The following CEP112 variants were observed in gnomAD, a reference collection of about 807,000 sequenced individuals.
CEP112 encodes the protein centrosomal protein of 112 kDa.
Under a neutral mutation model 153.0 loss-of-function variants are expected in CEP112, and 127 were observed. The observed-to-expected ratio is 0.83, with a 90% CI of 0.72 to 0.96. The LOEUF is 0.96. Ranked by LOEUF, CEP112 falls within the 40% of genes least tolerant of loss-of-function variation. CEP112 has a pLI of 0.00. For missense variants in CEP112, 1,089 were observed against 1,101.2 expected (o/e 0.99, Z 0.16); for synonymous variants, 358 against 374.4 (o/e 0.96, Z 0.51).
intron 8 of CEP112, among the ~76,000 whole-genome samples, chr17:66,075,832 G>A (rs2067471321): frequency 6.6e-6 from 1 of 152,178 alleles, no homozygotes. Context: ...CCCTCTGAAG[G>A]AAGAGGACTG....
intron 17 of CEP112, among the ~76,000 whole-genome samples, chr17:65,981,111 C>T (rs55744483): frequency 0.013 from 2,043 of 152,172 alleles, 42 homozygotes; most frequent in African/African-American, 0.047. Context: ...CCACCACGCC[C>T]GGCCATCTTC....
intron 11 of CEP112, among the ~76,000 whole-genome samples, chr17:66,056,500 T>C (rs55682387): frequency 0.013 from 2,056 of 152,356 alleles, 44 homozygotes; most frequent in African/African-American, 0.047. Context: ...TATCAACTGA[T>C]GAATGGATAG....
chr17:66,115,696 T>C (rs1162062581), intron 6 of CEP112, among the ~76,000 whole-genome samples: 1 of 152,208 alleles, frequency 6.6e-6, no homozygotes, highest in Non-Finnish European at 1.5e-5. Flanking sequence ...TTCTTACACA[T>C]TGTTACAGTT....
chr17:66,108,597 C>T (rs912681605), intron 6 of CEP112, among the ~76,000 whole-genome samples: 12 of 151,916 alleles, frequency 7.9e-5, no homozygotes, highest in African/African-American at 2.9e-4. Context: ...GGCTTCTATC[C>T]AAAAGACAGG....
At chr17:65,731,757 T>C (rs1009917480) in intron 23 of CEP112, among the ~76,000 whole-genome samples, 1 of 152,236 alleles carries the variant, frequency 6.6e-6, no homozygotes, top group Admixed American at 6.5e-5. Context: ...CACAGCATCT[T>C]CACCAGGATT....
chr17:65,830,470 C>T (rs2057029865), intron 21 of CEP112, among the ~76,000 whole-genome samples: 1 of 152,200 alleles, frequency 6.6e-6, no homozygotes, highest in African/African-American at 2.4e-5. Context: ...GGTCTTGTCC[C>T]ACAGGAACTA....
chr17:65,900,175 T>C (rs370044486), intron 20 of CEP112, among the ~76,000 whole-genome samples: 40 of 152,312 alleles, frequency 2.6e-4, no homozygotes, highest in South Asian at 1.2e-3. Flanking sequence ...CTTTAAAAAA[T>C]TGTATTCTCT....
intron 4 of CEP112, among the ~76,000 whole-genome samples, chr17:66,168,471 A>G (rs1359715966): frequency 6.6e-6 from 1 of 151,098 alleles, no homozygotes; most frequent in East Asian, 1.9e-4. Flanking sequence ...ATGTGTGTGT[A>G]TATATGTATA....
intron 21 of CEP112, among the ~76,000 whole-genome samples, chr17:65,803,834 A>C (rs2055427633): frequency 6.6e-6 from 1 of 152,212 alleles, no homozygotes; most frequent in Non-Finnish European, 1.5e-5. Context: ...TAGTCAAAAG[A>C]GCATTTTTAT....
chr17:66,036,016 A>G (rs569356747), intron 12 of CEP112, among the ~76,000 whole-genome samples: 1 of 152,342 alleles, frequency 6.6e-6, no homozygotes, highest in East Asian at 1.9e-4. Context: ...TATACATGCA[A>G]TGGAATATTA....
At chr17:65,970,362 T>TATTAAATGCACACATCATGCATGTAA (rs2062646620) in intron 17 of CEP112, among the ~76,000 whole-genome samples, 1 of 134,956 alleles carries the variant, frequency 7.4e-6, no homozygotes, top group Non-Finnish European at 1.6e-5. Context: ...TATGTGCCTA[T>TATTAAATGCACACATCATGCATGTAA]ATTACATGCA....
chr17:65,821,496 TTATATATATATATATAATTA>T (rs1272969469), intron 21 of CEP112, among the ~76,000 whole-genome samples: 34 of 121,414 alleles, frequency 2.8e-4, no homozygotes, highest in Admixed American at 8.2e-4. Context: ...ATATATATAA[TTATATATATATATATAATTA>T]TATATATATA....
intron 24 of CEP112, among the ~76,000 whole-genome samples, chr17:65,654,056 C>CAAAAAAAAAA (rs773433478): frequency 3.0e-4 from 8 of 26,878 alleles, no homozygotes; most frequent in African/African-American, 8.0e-4. Context: ...AAGACTCCAT[C>CAAAAAAAAAA]AAAAAAAAAA....
At chr17:65,963,453 G>A (rs2062288761) in intron 17 of CEP112, among the ~76,000 whole-genome samples, 1 of 151,944 alleles carries the variant, frequency 6.6e-6, no homozygotes, top group African/African-American at 2.4e-5. Flanking sequence ...AAATTTCTAG[G>A]CTTTTCAATA....
intron 20 of CEP112, among the ~76,000 whole-genome samples, chr17:65,865,596 C>T (rs2058457050): frequency 6.6e-6 from 1 of 152,198 alleles, no homozygotes; most frequent in South Asian, 2.1e-4. Context: ...AACCTCCCTC[C>T]CCATAGGTCT....
rs1329842930 is a variant in CEP112, at chr17:66,063,049, T to G, written c.988A>C (p.Arg330=). 33 of 1,593,224 alleles carry G rather than the reference T, an allele frequency of 2.1e-5. No homozygotes were observed. The highest frequency in any genetic ancestry group is 2.7e-5 in the Non-Finnish European group (32 of 1,171,228). ...QTLIRDCQVI[R]ETKEDQIAEL... ...GCAATCTGGTCTTCTTTAGTCTCTC[T>G]GATAACTTGACAGTCACGTATCAGT... The change falls in exon 11 of 27, where the codon AGA becomes CGA. Residue 330 remains arginine, a synonymous_variant. Coordinates refer to ENST00000535342, the MANE Select transcript of CEP112 (RefSeq NM_001199165.4).
At chr17:65,862,404 C>G (rs570689775) in intron 20 of CEP112, among the ~76,000 whole-genome samples, 5 of 152,140 alleles carry the variant, frequency 3.3e-5, no homozygotes, top group African/African-American at 1.2e-4. Flanking sequence ...CTGGCTAACA[C>G]GGTGAAACCC....
chr17:65,828,432 A>G (rs1314108972), intron 21 of CEP112, among the ~76,000 whole-genome samples: 1 of 152,200 alleles, frequency 6.6e-6, no homozygotes, highest in Non-Finnish European at 1.5e-5. Flanking sequence ...CCATCAGAAG[A>G]GCAGCCTTTA....
At chr17:66,063,245 A>G (rs1443863052) in intron 10 of CEP112, among the ~76,000 whole-genome samples, 164 bp from the exon 11 acceptor site, 2 of 152,008 alleles carry the variant, frequency 1.3e-5, no homozygotes, top group Non-Finnish European at 2.9e-5. Flanking sequence ...CTCGATTTCT[A>G]CCACCACAGA....
Sources: gnomAD v4.1 joint callset for allele counts (sites outside exome capture counted in the v4.1 genomes callset) on GRCh38, gnomAD v4.1.1 for gene constraint, MANE v1.5 for transcripts, NCBI Gene and HGNC (gene_info 2026-07-23, HGNC 2026-07-21) for gene names.